Variants in CRYBG3 observed in about 807,000 individuals in gnomAD.
The protein encoded by CRYBG3 is crystallin beta-gamma domain containing 3.
In CRYBG3, 127 loss-of-function variants were observed where a neutral mutation model predicts 244.2. The ratio of observed to expected loss-of-function variants is 0.52; its 90% confidence interval spans 0.45 to 0.60. The LOEUF (loss-of-function observed/expected upper bound fraction) is 0.60, where lower values mean the gene tolerates loss of function less well. Among genes scored for constraint, CRYBG3 ranks in the 20% least tolerant of loss-of-function variants. CRYBG3 has a pLI of 0.00. For missense variants in CRYBG3, 3,325 were observed against 3,442.5 expected, an observed-to-expected ratio of 0.97 and a Z score of 0.85; for synonymous variants, 1,132 against 1,195.8, an observed-to-expected ratio of 0.95 and a Z score of 1.10.
chr3:97,858,140 C>T (rs2039092501), intron 2 of CRYBG3, among the ~76,000 whole-genome samples: 1 of 145,118 alleles, frequency 6.9e-6, no homozygotes, highest in Non-Finnish European at 1.5e-5. Context: ...TGAGGGATAG[C>T]TTTGCTGGGT....
chr3:97,875,127 GATT>G lies in CRYBG3; in HGVS notation c.3937_3939del (p.Ile1313del). 3 of 1,534,996 alleles carry G rather than the reference GATT, an allele frequency of 2.0e-6. 1 individual carries two copies. The South Asian group carries it at 3.6e-5, about 18-fold the overall frequency. ...ATAAAGCTAGGGAATTAGTCAATGA[GATT>G]ATTTATGTAGCCCAAGAAAAATTGA... On this transcript the variant is annotated inframe_deletion, in exon 4 of 22. Coordinates refer to ENST00000389622, the MANE Select transcript of CRYBG3 (RefSeq NM_153605.4).
At chr3:97,843,891 A>C (rs925915631) in intron 2 of CRYBG3, among the ~76,000 whole-genome samples, 1 of 152,040 alleles carries the variant, frequency 6.6e-6, no homozygotes, top group African/African-American at 2.4e-5. Flanking sequence ...GTTTCTAGGT[A>C]TGTGATCACG....
chr3:97,880,113 T>C lies in CRYBG3; in HGVS notation c.7004+13T>C. The C allele has an allele frequency of 1.5e-6, 2 of 1,347,262 alleles. No individual in the cohort carries two copies. Among genetic ancestry groups the C allele is most frequent in the Non-Finnish European group, 2.1e-6 (2 of 961,340 alleles). The allele number at this position is 1,347,262 out of a possible 1,614,324, so 83.5% of individuals were successfully genotyped here. A position where few individuals can be genotyped will look rare whatever the true frequency, so the allele number is the denominator to read the frequency against. On this transcript the variant is annotated intron_variant, in intron 6 of 21. Transcript: ENST00000389622. ...TTGTAAGGGGCTGGTAAGAAGTTTC[T>C]TAAAATTTTATAGCATATTTTCTTA...
At chr3:97,828,602 G>A (rs1258162731) in intron 1 of CRYBG3, among the ~76,000 whole-genome samples, 1 of 151,282 alleles carries the variant, frequency 6.6e-6, no homozygotes, top group African/African-American at 2.4e-5. Context: ...CAAGGCGGGT[G>A]GATCACCTGA....
At position 97,900,461 on chromosome 3, in the gene CRYBG3, T is replaced by A. The variant is rs1397479804; in HGVS notation, c.7980T>A (p.Leu2660=). The change falls in exon 15 of 22, where the codon CTT becomes CTA. Residue 2660 remains leucine, a synonymous_variant. Coordinates refer to ENST00000389622, the MANE Select transcript of CRYBG3 (RefSeq NM_153605.4). ...TTTAATATGTTTTTCAGGAACCACT[T>A]GGGATAAATGAACCTCCGCATTTGG... ...MSIRPIQLEP[L]GINEPPHLLK... is the part of the protein sequence containing the mutation. The A allele has an allele frequency of 1.3e-6, 2 of 1,555,128 alleles. No homozygotes were observed.
chr3:97,877,981 G>A lies in CRYBG3; in HGVS notation c.6787G>A (p.Val2263Met), dbSNP rs935596696. The change falls in exon 4 of 22, where the codon GTG becomes ATG. Residue 2263 changes from valine to methionine, a missense_variant. Transcript: ENST00000389622. ...ARFGGIFQEP[V>M]SKYFRVQDSP... ...ATTTGGTGGAATTTTTCAGGAACCA[G>A]TGTCAAAATATTTCCGTGTTCAAGA... The A allele has an allele frequency of 1.7e-5, 27 of 1,614,010 alleles. No homozygotes were observed. The highest frequency in any genetic ancestry group is 2.2e-5 in the Non-Finnish European group (26 of 1,180,024).
At chr3:97,932,783 A>G (rs2040112543) in intron 17 of CRYBG3, among the ~76,000 whole-genome samples, 1 of 152,064 alleles carries the variant, frequency 6.6e-6, no homozygotes, top group African/African-American at 2.4e-5. Flanking sequence ...TTCCCCCAAC[A>G]TGTCCCATGT....
chr3:97,840,688 A>C (rs992540082), intron 1 of CRYBG3: 1 of 152,126 alleles, frequency 6.6e-6, no homozygotes, highest in Non-Finnish European at 1.5e-5. Context: ...CAGTATGTTT[A>C]TAGAAAACCC....
chr3:97,890,081 A>C (rs568909128), intron 10 of CRYBG3, among the ~76,000 whole-genome samples: 56 of 152,284 alleles, frequency 3.7e-4, no homozygotes, highest in African/African-American at 1.2e-3. Flanking sequence ...CAACTCCTTC[A>C]ACTCTCCCAT....
chr3:97,849,927 A>G (rs756012404), intron 2 of CRYBG3, among the ~76,000 whole-genome samples: 1 of 151,838 alleles, frequency 6.6e-6, no homozygotes, highest in African/African-American at 2.4e-5. Flanking sequence ...CTCTTTGTAT[A>G]CCTGCCCTGG....
chr3:97,852,139 T>C (rs2038995514), intron 2 of CRYBG3, among the ~76,000 whole-genome samples: 2 of 152,126 alleles, frequency 1.3e-5, no homozygotes, highest in South Asian at 4.1e-4. Flanking sequence ...ATCATCTGAA[T>C]ATTTGAGTCT....
intron 7 of CRYBG3, among the ~76,000 whole-genome samples, chr3:97,882,707 G>A (rs1343287389): frequency 6.6e-6 from 1 of 152,162 alleles, no homozygotes; most frequent in Non-Finnish European, 1.5e-5. Context: ...AGTATAAATT[G>A]AGATGAAAAC....
intron 15 of CRYBG3, among the ~76,000 whole-genome samples, chr3:97,904,747 T>G (rs899360129): frequency 7.9e-5 from 12 of 151,484 alleles, no homozygotes; most frequent in Middle Eastern, 3.2e-3. Flanking sequence ...TTTTTTTTAT[T>G]ATTATTATAC....
intron 1 of CRYBG3, among the ~76,000 whole-genome samples, chr3:97,836,095 A>G (rs2038729314): frequency 6.6e-6 from 1 of 152,200 alleles, no homozygotes; most frequent in Non-Finnish European, 1.5e-5. Flanking sequence ...GTTGGGGAAC[A>G]GGAAATAAGT....
Position 97,877,073 on chromosome 3 carries a change from G to A in CRYBG3, c.5879G>A (p.Arg1960Lys). 6.2e-7 allele frequency: 1 copy of A among 1,610,140 alleles called. No homozygotes were observed. Among genetic ancestry groups the A allele is most frequent in the Non-Finnish European group, 8.5e-7 (1 of 1,177,948 alleles). ...TTTCAACCTGGGGATACCACAGTAA[G>A]ACTAGACAAAAGAATGTCTCTTACT... ...PDFQPGDTTV[R>K]LDKRMSLTAI... is the part of the protein sequence containing the mutation. The change falls in exon 4 of 22, where the codon AGA becomes AAA. Residue 1960 changes from arginine to lysine, a missense_variant. Physicochemically the swap from Arg to Lys is conservative, Grantham distance 26. Transcript: ENST00000389622.
intron 17 of CRYBG3, among the ~76,000 whole-genome samples, chr3:97,917,418 A>G (rs1394734626): frequency 2.6e-5 from 4 of 152,130 alleles, no homozygotes; most frequent in Admixed American, 6.6e-5. Context: ...CAGTTTATGT[A>G]AGGGTAGCAT....
At chr3:97,883,001 T>C (rs936469314) in intron 7 of CRYBG3, among the ~76,000 whole-genome samples, 1 of 152,090 alleles carries the variant, frequency 6.6e-6, no homozygotes, top group Admixed American at 6.5e-5. Flanking sequence ...CTGAGTCACA[T>C]GATTATATGA....
intron 1 of CRYBG3, among the ~76,000 whole-genome samples, chr3:97,839,566 A>G (rs961790807): frequency 7.9e-5 from 12 of 152,104 alleles, no homozygotes; most frequent in Admixed American, 7.9e-4. Context: ...AGAAAAAAAG[A>G]CTGATGTTAT....
Position 97,881,150 on chromosome 3 carries a change from C to T in CRYBG3, c.7083C>T (p.Asp2361=). ...LEEGEKVLNR[D]WILQNRRHPQ... ...AAGGGGAAAAGGTGTTAAATCGTGA[C>T]TGGATTCTTCAGAACAGAAGGCATC... The change falls in exon 7 of 22, where the codon GAC becomes GAT. Residue 2361 remains aspartate, a synonymous_variant. Coordinates refer to ENST00000389622, the MANE Select transcript of CRYBG3 (RefSeq NM_153605.4). The T allele has an allele frequency of 1.2e-6, 2 of 1,612,234 alleles. No homozygotes were observed. Among genetic ancestry groups the T allele is most frequent in the African/African-American group, 2.7e-5 (2 of 74,964 alleles).
Sources: gnomAD v4.1 joint callset for allele counts (sites outside exome capture counted in the v4.1 genomes callset) on GRCh38, gnomAD v4.1.1 for gene constraint, MANE v1.5 for transcripts, NCBI Gene and HGNC (gene_info 2026-07-23, HGNC 2026-07-21) for gene names.